Variants in GPM6B observed in about 807,000 individuals in gnomAD.
The protein encoded by GPM6B is neuronal membrane glycoprotein M6-b.
GPM6B carries 4 observed loss-of-function variants against 27.2 expected under a neutral mutation model. The observed-to-expected ratio is 0.15, with a 90% CI of 0.07 to 0.34. GPM6B has a LOEUF of 0.34. GPM6B is among the 10% of genes least tolerant of loss of function. The pLI is 1.00. For missense variants in GPM6B, 183 were observed against 261.9 expected (o/e 0.70, Z 2.08); for synonymous variants, 124 against 103.1 (o/e 1.20, Z -1.23).
chrX:13,831,957 G>T (rs376826187), intron 1 of GPM6B, among the ~76,000 whole-genome samples: 1 of 111,388 alleles, frequency 9.0e-6, no homozygotes, highest in South Asian at 3.8e-4. Flanking sequence ...CTTAACATTC[G>T]AATGTATTTC....
chrX:13,874,268 T>C (rs2050009591), intron 1 of GPM6B, among the ~76,000 whole-genome samples: 1 of 111,378 alleles, frequency 9.0e-6, no homozygotes. Context: ...CAACAAAAAC[T>C]ATATTGGGGA....
intron 1 of GPM6B, among the ~76,000 whole-genome samples, chrX:13,868,123 T>C (rs1194332171): frequency 9.0e-6 from 1 of 111,500 alleles, no homozygotes; most frequent in African/African-American, 3.3e-5. Context: ...CACCAGAATA[T>C]GGAGAAAGTT....
At chrX:13,815,589 G>A (rs1433573916) in intron 1 of GPM6B, among the ~76,000 whole-genome samples, 1 of 111,174 alleles carries the variant, frequency 9.0e-6, no homozygotes, top group Non-Finnish European at 1.9e-5. Flanking sequence ...CCACTGAATC[G>A]TATACTTAAA....
chrX:13,858,298 G>A (rs748203627), intron 1 of GPM6B, among the ~76,000 whole-genome samples: 3 of 111,509 alleles, frequency 2.7e-5, no homozygotes, highest in African/African-American at 6.5e-5. Flanking sequence ...TCTTCTGTTC[G>A]TTCCCCTCTC....
intron 1 of GPM6B, among the ~76,000 whole-genome samples, chrX:13,813,425 A>G (rs2147192243): frequency 9.0e-6 from 1 of 111,396 alleles, no homozygotes; most frequent in South Asian, 3.7e-4. Flanking sequence ...CATTCACTAT[A>G]TTTTTCTTCC....
intron 2 of GPM6B, among the ~76,000 whole-genome samples, chrX:13,799,190 ATTTTTTTTTTTTTTTTTTTTTTTTTTTT>A: frequency 2.8e-5 from 1 of 35,969 alleles, no homozygotes; most frequent in East Asian, 1.0e-3. Flanking sequence ...AGCCAACCTA[ATTTTTTTTTTTTTTTTTTTTTTTTTTTT>A]TTTTTTTTTT....
intron 1 of GPM6B, among the ~76,000 whole-genome samples, chrX:13,925,452 A>C (rs1921118524): frequency 9.3e-6 from 1 of 108,099 alleles, no homozygotes; most frequent in Non-Finnish European, 1.9e-5. Context: ...TCTGTTTCCC[A>C]AGTAGCTGGA....
chrX:13,904,678 C>A (rs1362134562), intron 1 of GPM6B, among the ~76,000 whole-genome samples: 2 of 110,776 alleles, frequency 1.8e-5, no homozygotes, highest in African/African-American at 6.6e-5. Flanking sequence ...AGTTTGCAGA[C>A]CCCTACGTTA....
intron 1 of GPM6B, among the ~76,000 whole-genome samples, chrX:13,858,225 A>T (rs865902270): frequency 7.2e-5 from 8 of 111,803 alleles, no homozygotes; most frequent in South Asian, 3.8e-4. Flanking sequence ...GTGCCTTGTC[A>T]TCTCCCTTAC....
chrX:13,828,358 A>G (rs1211354395), intron 1 of GPM6B, among the ~76,000 whole-genome samples: 8 of 110,921 alleles, frequency 7.2e-5, no homozygotes, highest in Non-Finnish European at 1.5e-4. Flanking sequence ...GAGAGACCTG[A>G]GTTAGCACAC....
intron 2 of GPM6B, among the ~76,000 whole-genome samples, chrX:13,804,583 AAGT>A (rs1288031770): frequency 1.8e-5 from 2 of 111,011 alleles, no homozygotes; most frequent in East Asian, 5.6e-4. Flanking sequence ...TTCTACTGGG[AAGT>A]AGTAGCAAGA....
chrX:13,797,653 C>T (rs373910649), intron 2 of GPM6B, among the ~76,000 whole-genome samples: 11 of 110,836 alleles, frequency 9.9e-5, no homozygotes, highest in Non-Finnish European at 1.9e-4. Context: ...GCAGGCGAGG[C>T]GTGACTCAGG....
At chrX:13,933,714 G>A (rs1369016301) in intron 1 of GPM6B, among the ~76,000 whole-genome samples, 2 of 111,757 alleles carry the variant, frequency 1.8e-5, no homozygotes, top group Non-Finnish European at 3.8e-5. Flanking sequence ...AGTAAGTACG[G>A]GCAAATTTAA....
Position 13,777,375 on chromosome X carries a change from C to G in GPM6B, c.748G>C (p.Glu250Gln), listed in dbSNP as rs1479362242. ...ACCTCGTTTGTGTTGCAGATGTTCT[C>G]CAGGGCAGAGCCACATATTTTTCCG... ...FPGKICGSAL[E>Q]NICNTNEFYM... Residue 250 changes from glutamate to glutamine, a missense_variant, in exon 6 of 8, where the codon GAG (glutamate) becomes CAG (glutamine). Transcript: ENST00000316715. 8 of 1,203,849 alleles carry G rather than the reference C, an allele frequency of 6.6e-6. No individual in the cohort carries two copies. The highest frequency in any genetic ancestry group is 9.0e-6 in the Non-Finnish European group (8 of 889,465).
chrX:13,821,993 C>T (rs756986437), upstream of GPM6B, among the ~76,000 whole-genome samples: 2 of 112,033 alleles, frequency 1.8e-5, no homozygotes, highest in South Asian at 7.6e-4. Context: ...ATCCTAGTCA[C>T]ATAGCTAGCA....
At chrX:13,790,400 G>A (rs1237370729) in intron 2 of GPM6B, among the ~76,000 whole-genome samples, 1 of 112,279 alleles carries the variant, frequency 8.9e-6, no homozygotes, top group East Asian at 2.8e-4. Flanking sequence ...TCAGCAGGGA[G>A]GAACTTGTGA....
intron 2 of GPM6B, among the ~76,000 whole-genome samples, chrX:13,792,893 C>T (rs901732567): frequency 1.6e-5 from 1 of 61,173 alleles, no homozygotes; most frequent in Non-Finnish European, 2.9e-5. Context: ...AGCGAGACTC[C>T]GTTTAAAAAA....
chrX:13,891,290 A>G (rs1181082894), intron 1 of GPM6B, among the ~76,000 whole-genome samples: 1 of 111,289 alleles, frequency 9.0e-6, no homozygotes, highest in Non-Finnish European at 1.9e-5. Context: ...CATATTAACC[A>G]GACCCCCAGG....
intron 2 of GPM6B, among the ~76,000 whole-genome samples, chrX:13,801,894 ACT>A (rs1043314619): frequency 3.6e-5 from 4 of 111,035 alleles, no homozygotes; most frequent in Non-Finnish European, 5.7e-5. Context: ...CACCTAAATG[ACT>A]CTGACACCCA....
Sources: gnomAD v4.1 joint callset for allele counts (sites outside exome capture counted in the v4.1 genomes callset) on GRCh38, gnomAD v4.1.1 for gene constraint, MANE v1.5 for transcripts, NCBI Gene and HGNC (gene_info 2026-07-23, HGNC 2026-07-21) for gene names.